ERLIN1: variants seen among roughly 807,000 people sequenced by gnomAD.
ERLIN1 encodes the protein erlin-1.
Under a neutral mutation model 46.9 loss-of-function variants are expected in ERLIN1, and 24 were observed. The ratio of observed to expected loss-of-function variants is 0.51; its 90% CI spans 0.37 to 0.72. The LOEUF is 0.72. Among genes scored for constraint, ERLIN1 ranks in the 30% least tolerant of loss-of-function variants. The probability of loss-of-function intolerance (pLI) is 0.00; values close to 1 mark genes in which losing one functional copy is unlikely to be tolerated. For synonymous variants in ERLIN1, 158 were observed against 143.2 expected (o/e 1.10, Z -0.74); for missense variants, 293 against 417.9 (o/e 0.70, Z 2.61).
At chr10:100,166,335 G>A (rs77404203) in intron 7 of ERLIN1, among the ~76,000 whole-genome samples, 11,284 of 151,936 alleles carry the variant, frequency 0.074, 781 homozygotes, top group African/African-American at 0.17. Flanking sequence ...TGGGAGGATC[G>A]CTTAATCACT....
intron 1 of ERLIN1, among the ~76,000 whole-genome samples, chr10:100,184,116 G>A (rs1354855308): frequency 5.3e-5 from 8 of 152,022 alleles, no homozygotes; most frequent in Non-Finnish European, 8.8e-5. Context: ...GATTCTCCTC[G>A]GTCTTTAACC....
rs1018961303 is a variant in ERLIN1, at chr10:100,150,660, A to T, written c.*1471T>A. ...ATAAAGTGTTTGGCACAACCAACAA[A>T]CTGTCATGAGACTGACAGGCCTGAC... On this transcript the variant is annotated 3_prime_UTR_variant, in exon 11 of 11. Coordinates refer to ENST00000421367, the MANE Select transcript of ERLIN1 (RefSeq NM_006459.4). The T allele has an allele frequency of 1.3e-5, 2 of 152,616 alleles. No homozygotes were observed. Among genetic ancestry groups the T allele is most frequent in the African/African-American group, 4.8e-5 (2 of 41,448 alleles). The allele number at this position is 152,616 out of a possible 1,614,324, so 9.5% of individuals were successfully genotyped here. A position where few individuals can be genotyped will look rare whatever the true frequency, so the allele number is the denominator to read the frequency against.
rs980200563 is a variant in ERLIN1, at chr10:100,152,995, G to A, written c.826-643C>T. Among the ~76,000 whole-genome samples, 3 of 152,220 alleles carry A rather than the reference G, an allele frequency of 2.0e-5. No homozygotes were observed. In the South Asian group the frequency reaches 6.2e-4, roughly 32 times the overall value. On this transcript the variant is annotated intron_variant, in intron 10 of 10. Transcript: ENST00000421367. ...TAGCCTCCAGGGAGGCTACAGGAAT[G>A]AGCCATCATGCCTGGTTCTCTGTTG... is the stretch of plus-strand genomic sequence containing the variant.
intron 7 of ERLIN1, among the ~76,000 whole-genome samples, chr10:100,165,077 C>T (rs999889296): frequency 6.6e-6 from 1 of 152,128 alleles, no homozygotes; most frequent in Admixed American, 6.5e-5. Context: ...TATTACTAAG[C>T]ATGTACAAGT....
chr10:100,165,452 T>C (rs1412392520), intron 7 of ERLIN1, among the ~76,000 whole-genome samples: 1 of 150,540 alleles, frequency 6.6e-6, no homozygotes, highest in Non-Finnish European at 1.5e-5. Flanking sequence ...AGTGGCACTA[T>C]CTCGACTCAC....
At chr10:100,156,584 G>A (rs1294005918) in intron 8 of ERLIN1, among the ~76,000 whole-genome samples, 2 of 152,144 alleles carry the variant, frequency 1.3e-5, no homozygotes, top group African/African-American at 4.8e-5. Context: ...ATAAATGCAT[G>A]GCAACACAGG....
intron 6 of ERLIN1, among the ~76,000 whole-genome samples, chr10:100,171,939 C>T (rs1259915945): frequency 6.6e-6 from 1 of 152,154 alleles, no homozygotes; most frequent in African/African-American, 2.4e-5. Flanking sequence ...AGAACTACAG[C>T]TTACCAACAC....
intron 4 of ERLIN1, among the ~76,000 whole-genome samples, chr10:100,176,729 C>T (rs1482449573): frequency 2.6e-5 from 4 of 152,134 alleles, no homozygotes; most frequent in Admixed American, 2.6e-4. Flanking sequence ...CACGTCAGAA[C>T]CTGTTCTTTA....
chr10:100,170,323 T>G (rs901551241), intron 6 of ERLIN1, among the ~76,000 whole-genome samples: 3 of 152,240 alleles, frequency 2.0e-5, no homozygotes, highest in African/African-American at 7.2e-5. Flanking sequence ...AGCTCTTCTC[T>G]TCTCAGGGTA....
At chr10:100,154,609 G>T (rs572034426) in intron 10 of ERLIN1, among the ~76,000 whole-genome samples, 1 of 152,238 alleles carries the variant, frequency 6.6e-6, no homozygotes, top group African/African-American at 2.4e-5. Flanking sequence ...TCTTATTTCA[G>T]AAGACCTTCA....
At chr10:100,171,296 T>C (rs1205101281) in intron 6 of ERLIN1, among the ~76,000 whole-genome samples, 3 of 152,174 alleles carry the variant, frequency 2.0e-5, no homozygotes. Flanking sequence ...ATGTTTCCTA[T>C]AAATATAAAA....
intron 1 of ERLIN1, among the ~76,000 whole-genome samples, chr10:100,184,969 C>T (rs1844877260): frequency 6.6e-6 from 1 of 152,128 alleles, no homozygotes; most frequent in Non-Finnish European, 1.5e-5. Context: ...AGCTCCCACA[C>T]CACTCCTGTC....
intron 6 of ERLIN1, among the ~76,000 whole-genome samples, chr10:100,172,882 G>T (rs1417834850): frequency 6.6e-6 from 1 of 152,200 alleles, no homozygotes; most frequent in Non-Finnish European, 1.5e-5. Flanking sequence ...GAATGAGCTA[G>T]ATCTCTGAGT....
At chr10:100,184,919 G>C (rs1032168602) in intron 1 of ERLIN1, among the ~76,000 whole-genome samples, 2 of 152,090 alleles carry the variant, frequency 1.3e-5, no homozygotes, top group Non-Finnish European at 1.5e-5. Context: ...GTGGTAATTA[G>C]GCTGAAGGAA....
intron 8 of ERLIN1, among the ~76,000 whole-genome samples, chr10:100,159,517 G>A (rs1415464726): frequency 2.0e-5 from 3 of 152,078 alleles, no homozygotes; most frequent in African/African-American, 7.2e-5. Flanking sequence ...ACCGTGTACA[G>A]GTAGGCCACA....
At chr10:100,163,102 G>GA (rs982190183) in intron 8 of ERLIN1, among the ~76,000 whole-genome samples, 2 of 151,482 alleles carry the variant, frequency 1.3e-5, no homozygotes, top group Admixed American at 6.6e-5. Flanking sequence ...GCCAAAAAAA[G>GA]AAAAAATCCC....
intron 10 of ERLIN1, among the ~76,000 whole-genome samples, chr10:100,154,273 T>A (rs994392687): frequency 2.0e-5 from 3 of 152,210 alleles, no homozygotes; most frequent in African/African-American, 7.2e-5. Context: ...CCTTCTCAAG[T>A]TATCCCACAT....
At chr10:100,153,621 G>A (rs1001805872) in intron 10 of ERLIN1, among the ~76,000 whole-genome samples, 16 of 152,176 alleles carry the variant, frequency 1.1e-4, no homozygotes, top group African/African-American at 3.1e-4. Context: ...ATCCTCTGTC[G>A]AAACACTCCA....
At chr10:100,165,488 G>A (rs1292331961) in intron 7 of ERLIN1, among the ~76,000 whole-genome samples, 2 of 149,178 alleles carry the variant, frequency 1.3e-5, no homozygotes, top group East Asian at 2.0e-4. Flanking sequence ...CTGAGTTCAC[G>A]CCATTCTCCT....
Sources: allele counts gnomAD v4.1 joint callset (sites outside exome capture counted in the v4.1 genomes callset), GRCh38; gene constraint gnomAD v4.1.1; transcripts MANE v1.5; gene names NCBI Gene and HGNC (gene_info 2026-07-23, HGNC 2026-07-21).